Variants in KIAA2012 observed in about 807,000 individuals in gnomAD.
KIAA2012 encodes KIAA2012, also known as uncharacterized protein KIAA2012.
KIAA2012 carries 125 observed loss-of-function variants against 150.6 expected under a neutral mutation model. The ratio of observed to expected loss-of-function variants is 0.83; its 90% CI spans 0.72 to 0.96. The LOEUF (loss-of-function observed/expected upper bound fraction) is 0.96. KIAA2012 is among the 40% of genes least tolerant of loss of function. The pLI is 0.00. For missense variants in KIAA2012, 1,219 were observed against 1,354.9 expected (o/e 0.90, Z 1.57); for synonymous variants, 462 against 504.7 (o/e 0.92, Z 1.13).
chr2:202,082,587 G>C (rs1689475616), intron 2 of KIAA2012, among the ~76,000 whole-genome samples: 1 of 113,154 alleles, frequency 8.8e-6, no homozygotes, highest in Non-Finnish European at 1.8e-5. Flanking sequence ...CAGGGCGAGA[G>C]TCTGTCTTTA....
chr2:202,150,767 C>T (rs1413237616), intron 13 of KIAA2012, among the ~76,000 whole-genome samples: 12 of 152,150 alleles, frequency 7.9e-5, no homozygotes, highest in Non-Finnish European at 1.8e-4. Flanking sequence ...GTTTTTAAAT[C>T]ATCTCCACCA....
intron 12 of KIAA2012, among the ~76,000 whole-genome samples, chr2:202,128,402 A>C (rs1216195046): frequency 1.3e-5 from 2 of 150,856 alleles, no homozygotes; most frequent in Admixed American, 1.3e-4. Flanking sequence ...AGTAGCTGGG[A>C]CTACAGGTGC....
rs1284590123 is a variant in KIAA2012 at position 202,113,445 on chromosome 2, A to C, written c.1761A>C (p.Lys587Asn). 22 of 1,545,734 alleles carry C rather than the reference A, an allele frequency of 1.4e-5. No homozygotes were observed. Among genetic ancestry groups the C allele is most frequent in the Non-Finnish European group, 1.9e-5 (22 of 1,143,716 alleles). Residue 587 changes from lysine (K) to asparagine (N), a missense_variant and splice_region_variant, in exon 11 of 24, where the codon AAA becomes AAC. By Grantham distance (94) the Lys-to-Asn change is moderately conservative. Coordinates refer to ENST00000498697, the MANE Select transcript of KIAA2012 (RefSeq NM_001277372.4). ...AAACCGAGGCGCTTCCATCGGGTAA[A>C]GGTAAGCTAACACATTCCAGGGCAG... is the stretch of plus-strand genomic sequence containing the variant. ...HTQTEALPSG[K>N]AYESVNSNIS...
At chr2:202,093,455 G>A (rs1689785282) in intron 4 of KIAA2012, among the ~76,000 whole-genome samples, 1 of 152,178 alleles carries the variant, frequency 6.6e-6, no homozygotes, top group Non-Finnish European at 1.5e-5. Context: ...GTGAAACTGA[G>A]CTTTTTATTT....
intron 2 of KIAA2012, among the ~76,000 whole-genome samples, chr2:202,088,549 G>A (rs1416972091): frequency 6.6e-6 from 1 of 152,158 alleles, no homozygotes; most frequent in African/African-American, 2.4e-5. Flanking sequence ...CCCTTTAGGA[G>A]TACTGAGAGA....
intron 2 of KIAA2012, among the ~76,000 whole-genome samples, chr2:202,079,167 C>T (rs1047302826): frequency 6.6e-6 from 1 of 152,088 alleles, no homozygotes; most frequent in Admixed American, 6.5e-5. Flanking sequence ...AAATCTATAG[C>T]TTTGAAAGAG....
intron 22 of KIAA2012, chr2:202,202,005 G>C (rs964909772): frequency 1.5e-5 from 9 of 585,954 alleles, no homozygotes; most frequent in Non-Finnish European, 2.7e-5. Flanking sequence ...CCCAACGCCT[G>C]AGTGGCGCTG....
At chr2:202,148,317 G>C in intron 13 of KIAA2012, among the ~76,000 whole-genome samples, 1 of 152,170 alleles carries the variant, frequency 6.6e-6, no homozygotes, top group South Asian at 2.1e-4. Flanking sequence ...CTAGCTGTTC[G>C]GCTAATTTGC....
Position 202,121,606 on chromosome 2 carries a change from G to C in KIAA2012, c.1763-3608G>C, listed in dbSNP as rs145290259. Among the ~76,000 whole-genome samples the C allele has an allele frequency of 1.1e-3, 163 of 152,256 alleles. 1 individual carries two copies. Among genetic ancestry groups the C allele is most frequent in the African/African-American group, 3.8e-3 (156 of 41,556 alleles). ...TTGTTCCCTTATCCCAACGATCCTA[G>C]GAAGTGAGTATTTTCAATCACATAT... On this transcript the variant is annotated intron_variant, in intron 11 of 23. Transcript: ENST00000498697.
intron 22 of KIAA2012, 128 bp downstream of exon 22, chr2:202,197,147 A>T (rs1267958723): frequency 7.2e-7 from 1 of 1,381,450 alleles, no homozygotes; most frequent in Non-Finnish European, 9.8e-7. Context: ...GGCTTGGAAG[A>T]CTGAAAGGCA....
chr2:202,132,800 A>AT (rs1267750024), intron 12 of KIAA2012, among the ~76,000 whole-genome samples: 10 of 78,066 alleles, frequency 1.3e-4, no homozygotes, highest in African/African-American at 4.3e-4. Context: ...ATATATATAT[A>AT]TATTTTTTTT....
intron 21 of KIAA2012, among the ~76,000 whole-genome samples, chr2:202,195,037 G>A (rs746656013): frequency 6.6e-6 from 1 of 151,692 alleles, no homozygotes; most frequent in Non-Finnish European, 1.5e-5. Context: ...CAAAGTGCTG[G>A]GATTACAGGT....
At chr2:202,087,865 A>ACCAGAGCTAGGTC (rs1052746511) in intron 2 of KIAA2012, among the ~76,000 whole-genome samples, 3 of 152,102 alleles carry the variant, frequency 2.0e-5, no homozygotes, top group African/African-American at 7.2e-5. Context: ...AGTTTCATTG[A>ACCAGAGCTAGGTC]CCAGAGCTAG....
chr2:202,136,094 T>G, intron 12 of KIAA2012: 1 of 386,152 alleles, frequency 2.6e-6, no homozygotes, highest in Non-Finnish European at 5.2e-6. Flanking sequence ...GCCGCAGACC[T>G]TCGTGGTGAG....
chr2:202,168,629 C>G (rs1691823404), intron 15 of KIAA2012, among the ~76,000 whole-genome samples: 1 of 152,058 alleles, frequency 6.6e-6, no homozygotes, highest in African/African-American at 2.4e-5. Flanking sequence ...TTGGGGGATG[C>G]ATGTAGTCCT....
intron 13 of KIAA2012, among the ~76,000 whole-genome samples, chr2:202,146,557 G>A (rs753120117): frequency 2.0e-5 from 3 of 150,852 alleles, no homozygotes; most frequent in South Asian, 2.1e-4. Flanking sequence ...TCTTGAACCC[G>A]GGAGGTGGAG....
At chr2:202,092,921 G>A (rs1689762933) in intron 3 of KIAA2012, 109 bp from the exon 4 acceptor site, 2 of 874,882 alleles carry the variant, frequency 2.3e-6, no homozygotes, top group Non-Finnish European at 3.4e-6. Context: ...TCCCTAATGG[G>A]CAATGTCCAA....
chr2:202,139,086 CA>C (rs1691142890), intron 13 of KIAA2012, among the ~76,000 whole-genome samples: 1 of 151,858 alleles, frequency 6.6e-6, no homozygotes, highest in African/African-American at 2.4e-5. Flanking sequence ...ACTAAAAATA[CA>C]AAAATTAGCC....
intron 15 of KIAA2012, among the ~76,000 whole-genome samples, chr2:202,181,154 G>C (rs1206993807): frequency 1.3e-5 from 2 of 152,086 alleles, no homozygotes; most frequent in African/African-American, 4.8e-5. Flanking sequence ...ATTTTTTGTA[G>C]AGACAGGATC....
Sources: gnomAD v4.1 joint callset for allele counts (sites outside exome capture counted in the v4.1 genomes callset) on GRCh38, gnomAD v4.1.1 for gene constraint, MANE v1.5 for transcripts, NCBI Gene and HGNC (gene_info 2026-07-23, HGNC 2026-07-21) for gene names.